The following ANKS1A variants were observed in gnomAD, a reference collection of about 807,000 sequenced individuals.
ANKS1A encodes the protein ankyrin repeat and SAM domain-containing protein 1A.
Under a neutral mutation model 120.3 loss-of-function variants are expected in ANKS1A, and 55 were observed. The ratio of observed to expected loss-of-function variants is 0.46; its 90% confidence interval spans 0.37 to 0.57. The LOEUF (loss-of-function observed/expected upper bound fraction) is 0.57, where lower values mean the gene tolerates loss of function less well. Among genes scored for constraint, ANKS1A ranks in the 20% least tolerant of loss-of-function variants. The probability of loss-of-function intolerance (pLI) is 0.00; values close to 1 mark genes in which losing one functional copy is unlikely to be tolerated. For missense variants in ANKS1A, 1,123 were observed against 1,480.3 expected (o/e 0.76, Z 3.96); for synonymous variants, 590 against 604.7 (o/e 0.98, Z 0.36).
rs568895196 is a variant in ANKS1A, at chr6:34,982,477, A to T, written c.733-275A>T. Among the ~76,000 whole-genome samples the T allele has an allele frequency of 6.6e-6, 1 of 152,170 alleles. No homozygotes were observed. Among genetic ancestry groups the T allele is most frequent in the Non-Finnish European group, 1.5e-5 (1 of 68,036 alleles). On this transcript the variant is annotated intron_variant, in intron 4 of 23. Coordinates refer to ENST00000360359, the MANE Select transcript of ANKS1A (RefSeq NM_015245.3). This position sits in a 1 kb window ranked among gnomAD's most constrained non-coding sequence, Gnocchi z 4.9. ...TTCTTATTACTCCTTCCACCCAGGA[A>T]GGTGGAGTTCTGAGGCATTTCACCA...
downstream of ANKS1A, among the ~76,000 whole-genome samples, chr6:35,093,270 G>T (rs569321412): frequency 6.6e-6 from 1 of 152,210 alleles, no homozygotes; most frequent in Non-Finnish European, 1.5e-5. Context: ...AGTAAATGGA[G>T]CTGGGACAAT....
chr6:35,047,007 C>G (rs1194472063), intron 11 of ANKS1A, among the ~76,000 whole-genome samples: 3 of 152,142 alleles, frequency 2.0e-5, no homozygotes, highest in Non-Finnish European at 2.9e-5. Flanking sequence ...GCAGCATGTG[C>G]TCTTTTGTAT....
intron 1 of ANKS1A, among the ~76,000 whole-genome samples, chr6:34,946,138 G>A (rs1422992508): frequency 3.3e-5 from 5 of 151,666 alleles, no homozygotes; most frequent in Non-Finnish European, 1.5e-5. Context: ...GTGCCACCAC[G>A]CCCAGCTAAT....
At chr6:34,946,271 G>A (rs544789748) in intron 1 of ANKS1A, among the ~76,000 whole-genome samples, 19 of 151,164 alleles carry the variant, frequency 1.3e-4, no homozygotes, top group African/African-American at 3.4e-4. Flanking sequence ...ATGAGCCACC[G>A]TGCCCGGCCT....
intron 1 of ANKS1A, among the ~76,000 whole-genome samples, chr6:34,896,450 T>TA (rs1767088812): frequency 6.6e-6 from 1 of 150,416 alleles, no homozygotes; most frequent in Non-Finnish European, 1.5e-5. Flanking sequence ...GGAATTGCTG[T>TA]ACTTACATTT....
In ANKS1A at chr6:35,057,240, C is replaced by T. The variant is rs1374808225; in HGVS notation, c.2078-2907C>T. On this transcript the variant is annotated intron_variant, in intron 12 of 23. Transcript: ENST00000360359. This position sits in a 1 kb window ranked among gnomAD's most constrained non-coding sequence, Gnocchi z 4.1. The stretch of plus-strand genomic sequence containing the variant: ...TAGTTAGCTGAATCGCCAACAGAAG[C>T]GTTTACAGCTAACTCATCCCTGTGC... Among the ~76,000 whole-genome samples, 2 of 152,118 alleles carry T rather than the reference C, an allele frequency of 1.3e-5. No homozygotes were observed. Among genetic ancestry groups the T allele is most frequent in the Admixed American group, 6.5e-5 (1 of 15,284 alleles).
At chr6:34,974,915 A>G (rs557441493) in intron 3 of ANKS1A, among the ~76,000 whole-genome samples, 2 of 152,318 alleles carry the variant, frequency 1.3e-5, no homozygotes, top group South Asian at 4.1e-4. Flanking sequence ...CAGTTAGTCT[A>G]TTCAGAGTTT....
At chr6:35,006,293 C>T (rs1468697309) in intron 10 of ANKS1A, among the ~76,000 whole-genome samples, 1 of 149,776 alleles carries the variant, frequency 6.7e-6, no homozygotes, top group East Asian at 2.0e-4. Flanking sequence ...CAGGAGGCGC[C>T]TCTTTTTTGA....
downstream of ANKS1A, among the ~76,000 whole-genome samples, chr6:35,091,966 T>A (rs1319949250): frequency 6.6e-6 from 1 of 152,082 alleles, no homozygotes; most frequent in Non-Finnish European, 1.5e-5. Context: ...AAGGGGAGAA[T>A]TTGGGAAAGC....
chr6:34,970,103 A>G lies in ANKS1A; in HGVS notation c.372A>G (p.Gly124=). The stretch of plus-strand genomic sequence containing the variant: ...CTCTGCATTTGGCAGCCTGGAAAGG[A>G]GATGCCCAGATAGTGCGGTTGCTCA... ...CYPLHLAAWK[G]DAQIVRLLIH... The change falls in exon 3 of 24, where the codon GGA becomes GGG. Residue 124 remains glycine (G), a synonymous_variant. Transcript: ENST00000360359. 1 of 1,614,132 alleles carries G rather than the reference A, an allele frequency of 6.2e-7. No individual in the cohort carries two copies. The highest frequency in any genetic ancestry group is 1.1e-5 in the South Asian group (1 of 91,070).
In ANKS1A at chr6:35,085,080, CCT is replaced by C. The variant is rs1177021602; in HGVS notation, c.3133-683_3133-682del. ...CTCCTGGGACCTCATCCACCCCAGT[CCT>C]CTGTTTGCTCTGGGCCAGTGAAGGT... On this transcript the variant is annotated intron_variant, in intron 21 of 23. Transcript: ENST00000360359. The surrounding 1 kb of genome is among the most constrained non-coding windows in gnomAD (Gnocchi z 4.7). Among the ~76,000 whole-genome samples, 1 of 152,184 alleles carries C rather than the reference CCT, an allele frequency of 6.6e-6. No individual in the cohort carries two copies. The highest frequency in any genetic ancestry group is 2.4e-5 in the African/African-American group (1 of 41,440).
chr6:34,890,366 A>G (rs1766750759), intron 1 of ANKS1A, among the ~76,000 whole-genome samples: 1 of 152,214 alleles, frequency 6.6e-6, no homozygotes. Context: ...CTGGGATTAC[A>G]GGCGTGAGCC....
rs2004 is a variant in ANKS1A at position 35,088,770 on chromosome 6, C to G, written c.*161C>G. ...ACTTGGCCTGGGCCTGCCACCACCACGTCCTGCAGAACGAGCCCTGCCTTG... is the reference window on the plus strand; with the variant it reads ...ACTTGGCCTGGGCCTGCCACCACCAGGTCCTGCAGAACGAGCCCTGCCTTG... On this transcript the variant is annotated 3_prime_UTR_variant, in exon 24 of 24. Coordinates refer to ENST00000360359, the MANE Select transcript of ANKS1A (RefSeq NM_015245.3). 1.2e-5 allele frequency: 18 copies of G among 1,554,766 alleles called. 1 individual carries two copies. The South Asian group carries it at 1.2e-4, about 10-fold the overall frequency.
At chr6:34,924,128 T>TGC (rs60273843) in intron 1 of ANKS1A, among the ~76,000 whole-genome samples, 1 of 149,718 alleles carries the variant, frequency 6.7e-6, no homozygotes. Flanking sequence ...TGTGTGTGTG[T>TGC]ATTTTTCTTT....
chr6:35,066,034 G>C (rs969595484), intron 13 of ANKS1A, among the ~76,000 whole-genome samples: 2 of 152,182 alleles, frequency 1.3e-5, no homozygotes, highest in South Asian at 4.1e-4. Flanking sequence ...CAGGAGTCAG[G>C]AGAGCTGGGT....
intron 1 of ANKS1A, among the ~76,000 whole-genome samples, chr6:34,948,057 A>C (rs1769889941): frequency 6.6e-6 from 1 of 152,112 alleles, no homozygotes; most frequent in Non-Finnish European, 1.5e-5. Context: ...TTTTACTTTA[A>C]GTTCTAGGGT....
intron 11 of ANKS1A, among the ~76,000 whole-genome samples, chr6:35,049,269 C>T (rs192690656): frequency 3.6e-4 from 55 of 152,196 alleles, no homozygotes; most frequent in African/African-American, 1.3e-3. Context: ...GGCTGCCTTC[C>T]CCCCTTCCCC....
At position 34,982,117 on chromosome 6, in the gene ANKS1A, C is replaced by T. The variant is rs114046576; in HGVS notation, c.732+131C>T. ...CATCATGTTTCAAATGCTTATTTGC[C>T]GACTCATTCTAATGTGACACTAAGA... On this transcript the variant is annotated intron_variant, in intron 4 of 23. Transcript: ENST00000360359. This position sits in a 1 kb window ranked among gnomAD's most constrained non-coding sequence, Gnocchi z 4.9. 11,956 of 1,147,440 alleles carry T rather than the reference C, an allele frequency of 0.01. 73 individuals carry two copies. The highest frequency in any genetic ancestry group is 0.012 in the Non-Finnish European group (10,261 of 826,724). 71.1% of individuals were successfully genotyped at this position (1,147,440 alleles called of 1,614,324 possible). A position where few individuals can be genotyped will look rare whatever the true frequency, so the allele number is the denominator to read the frequency against.
chr6:35,010,067 A>C, intron 10 of ANKS1A: 1 of 170,228 alleles, frequency 5.9e-6, no homozygotes, highest in South Asian at 1.2e-4. Flanking sequence ...GTGCACCCGT[A>C]GTCCTAGCTA....
Sources: gnomAD v4.1 joint callset for allele counts (sites outside exome capture counted in the v4.1 genomes callset) on GRCh38, gnomAD v4.1.1 for gene constraint, Gnocchi (gnomAD v3.1) non-coding constraint, MANE v1.5 for transcripts, NCBI Gene and HGNC (gene_info 2026-07-23, HGNC 2026-07-21) for gene names.